The following TBCD variants were observed in gnomAD, a reference collection of about 807,000 sequenced individuals.
TBCD encodes the protein tubulin-specific chaperone D.
In TBCD, 105 loss-of-function variants were observed where a neutral mutation model predicts 169.3. That is an observed-to-expected ratio of 0.62 (90% CI 0.53 to 0.73). The LOEUF (loss-of-function observed/expected upper bound fraction) is 0.73. Among genes scored for constraint, TBCD ranks in the 30% least tolerant of loss-of-function variants. The pLI, the probability that TBCD is intolerant of heterozygous loss-of-function variation, is 0.00. For synonymous variants in TBCD, 700 were observed against 643.9 expected (o/e 1.09, Z -1.32); for missense variants, 1,444 against 1,600.1 (o/e 0.90, Z 1.66).
intron 5 of TBCD, 52 bp downstream of exon 5, chr17:82,768,618 A>C: frequency 6.3e-7 from 1 of 1,594,114 alleles, no homozygotes; most frequent in Non-Finnish European, 8.6e-7. Context: ...TTTCATGTTC[A>C]TGCTGTCTTG....
intron 38 of TBCD, chr17:82,941,707 T>C (rs1489736656): frequency 3.7e-6 from 2 of 539,352 alleles, no homozygotes; most frequent in East Asian, 3.3e-5. Flanking sequence ...TCTGGGGCGT[T>C]TGGGGGGCCG....
chr17:82,813,333 G>A (rs1234870111), intron 12 of TBCD, among the ~76,000 whole-genome samples: 1 of 151,768 alleles, frequency 6.6e-6, no homozygotes, highest in South Asian at 2.1e-4. Context: ...ACTATTTTCT[G>A]TTGTCTTCCC....
chr17:82,761,909 A>G (rs916369421), intron 2 of TBCD, among the ~76,000 whole-genome samples: 1 of 150,592 alleles, frequency 6.6e-6, no homozygotes, highest in Admixed American at 6.6e-5. Context: ...TTTTATTTTT[A>G]GTAGAGACGG....
rs138123789 is a variant in TBCD, at chr17:82,855,676, A to G, written c.1319-14548A>G. 2.8e-3 allele frequency among the ~76,000 whole-genome samples: 420 copies of G among 152,328 alleles called. 1 individual carries two copies. The highest frequency in any genetic ancestry group is 9.7e-3 in the African/African-American group (405 of 41,582). The stretch of plus-strand genomic sequence containing the variant: ...CCATTAACTTTAAAGTGAAAAACTC[A>G]GAGCATTTAGTACATACCCAATGTT... On this transcript the variant is annotated intron_variant, in intron 13 of 38. Transcript: ENST00000355528.
chr17:82,887,014 C>T (rs1441253679), intron 15 of TBCD, among the ~76,000 whole-genome samples: 2 of 151,804 alleles, frequency 1.3e-5, no homozygotes, highest in African/African-American at 2.4e-5. Flanking sequence ...AGAGCCCATG[C>T]GTGTTTCACC....
At position 82,903,407 on chromosome 17, in the gene TBCD, T is replaced by C; in HGVS notation, c.1733T>C (p.Val578Ala). Residue 578 changes from valine to alanine, a missense_variant and splice_region_variant, in exon 19 of 39, where the codon GTC (valine) becomes GCC (alanine). By Grantham distance (64) the Val-to-Ala change is moderately conservative. Coordinates refer to ENST00000355528, the MANE Select transcript of TBCD (RefSeq NM_005993.5). The surrounding 1 kb of genome is among the most constrained non-coding windows in gnomAD (Gnocchi z 4.8). ...CGACATTCTCTCCTCACTCTCAGGGTCATCCGAGAGTTGGCTGCGAGGGCG... is the reference window on the plus strand; with the variant it reads ...CGACATTCTCTCCTCACTCTCAGGGCCATCCGAGAGTTGGCTGCGAGGGCG... ...VTMKISHWDGVIRELAARALH... is the reference protein window; with the variant it reads ...VTMKISHWDGAIRELAARALH... 1 of 1,601,246 alleles carries C rather than the reference T, an allele frequency of 6.2e-7. No homozygotes were observed.
intron 23 of TBCD, among the ~76,000 whole-genome samples, chr17:82,919,223 G>T (rs1466505808): frequency 6.6e-6 from 1 of 152,054 alleles, no homozygotes; most frequent in Non-Finnish European, 1.5e-5. Context: ...GCAGCCCCTC[G>T]CTGGGTTTTT....
rs1408882710 is a variant in TBCD, at chr17:82,943,930, G to A, written c.*1467G>A. ...CCTTGGCCACATGAGTCCACACAGTGGAAAAGGCTTGGCTCCTGTGGTCGG... is the reference window on the plus strand; with the variant it reads ...CCTTGGCCACATGAGTCCACACAGTAGAAAAGGCTTGGCTCCTGTGGTCGG... On this transcript the variant is annotated 3_prime_UTR_variant, in exon 39 of 39. Transcript: ENST00000355528. 6.6e-6 allele frequency: 1 copy of A among 152,250 alleles called. No individual in the cohort carries two copies. The highest frequency in any genetic ancestry group is 6.5e-5 in the Admixed American group (1 of 15,286). The allele number at this position is 152,250 out of a possible 1,614,324, so 9.4% of individuals were successfully genotyped here.
intron 17 of TBCD, among the ~76,000 whole-genome samples, chr17:82,899,295 GTGTCC>G (rs2059722570): frequency 1.3e-5 from 2 of 150,232 alleles, no homozygotes; most frequent in African/African-American, 2.5e-5. Flanking sequence ...CTCAGTGCGT[GTGTCC>G]TCCGCTCACG....
intron 7 of TBCD, among the ~76,000 whole-genome samples, chr17:82,787,376 C>T (rs1036071587): frequency 7.9e-5 from 12 of 152,244 alleles, no homozygotes; most frequent in Non-Finnish European, 1.8e-4. Context: ...CTGGCAGCTC[C>T]TGGGGCCAGC....
At chr17:82,786,350 T>C (rs181035143) in intron 7 of TBCD, among the ~76,000 whole-genome samples, 309 of 152,272 alleles carry the variant, frequency 2.0e-3, no homozygotes, top group Non-Finnish European at 3.1e-3. Context: ...CAGAGCTGGT[T>C]GTCTCCAATG....
chr17:82,896,647 T>C (rs1408808124), intron 17 of TBCD, among the ~76,000 whole-genome samples: 2 of 151,958 alleles, frequency 1.3e-5, no homozygotes, highest in African/African-American at 4.8e-5. Context: ...TGTATTTTTC[T>C]GTGGAGATGA....
At chr17:82,921,257 G>A (rs1053022022) in intron 24 of TBCD, 1 of 555,932 alleles carries the variant, frequency 1.8e-6, no homozygotes. Context: ...AAAATGTGAT[G>A]TATAAAAATT....
At chr17:82,926,557 G>A in intron 28 of TBCD, 66 bp downstream of exon 28, 2 of 1,403,568 alleles carry the variant, frequency 1.4e-6, no homozygotes, top group East Asian at 2.3e-5. Context: ...AACGCTAAGG[G>A]GGATGTTTTT....
chr17:82,758,401 AAAT>A (rs1256484467), intron 2 of TBCD, among the ~76,000 whole-genome samples: 4 of 82,388 alleles, frequency 4.9e-5, no homozygotes, highest in Admixed American at 1.6e-4. Context: ...AAAAAAAAAA[AAAT>A]AAATAAATAA....
At chr17:82,870,402 C>T in intron 14 of TBCD, 22 bp downstream of exon 14, 1 of 1,607,796 alleles carries the variant, frequency 6.2e-7, no homozygotes, top group South Asian at 1.1e-5. Flanking sequence ...CGTCGAGGTA[C>T]ATCGGATGCG....
intron 13 of TBCD, chr17:82,865,612 G>A (rs761692375): frequency 1.1e-6 from 1 of 879,632 alleles, no homozygotes; most frequent in Non-Finnish European, 1.4e-6. Context: ...GGGCGATGCG[G>A]TCTGCACCAG....
chr17:82,818,973 G>A (rs565180904), intron 13 of TBCD, among the ~76,000 whole-genome samples: 3 of 152,224 alleles, frequency 2.0e-5, no homozygotes, highest in South Asian at 2.1e-4. Context: ...CAGAAGAATC[G>A]CGTGAACCCA....
At chr17:82,935,125 T>C (rs1271642449) in intron 34 of TBCD, among the ~76,000 whole-genome samples, 1 of 152,242 alleles carries the variant, frequency 6.6e-6, no homozygotes, top group African/African-American at 2.4e-5. Flanking sequence ...CATGTCCTGC[T>C]ATGAATACAG....
Sources: allele counts gnomAD v4.1 joint callset (sites outside exome capture counted in the v4.1 genomes callset), GRCh38; gene constraint gnomAD v4.1.1; non-coding constraint Gnocchi (gnomAD v3.1); transcripts MANE v1.5; gene names NCBI Gene and HGNC (gene_info 2026-07-23, HGNC 2026-07-21).